Variants in RBSN observed in about 807,000 individuals in gnomAD.
RBSN encodes the protein rabenosyn, RAB effector, also known as rabenosyn-5.
In RBSN, 34 loss-of-function variants were observed where a neutral mutation model predicts 60.5. The observed-to-expected ratio is 0.56, with a 90% CI of 0.43 to 0.75. The LOEUF (loss-of-function observed/expected upper bound fraction) is 0.75, where lower values mean the gene tolerates loss of function less well. RBSN is among the 30% of genes least tolerant of loss of function. RBSN has a pLI of 0.00. For synonymous variants in RBSN, 322 were observed against 366.9 expected, an observed-to-expected ratio of 0.88 and a Z score of 1.40; for missense variants, 845 against 986.8, an observed-to-expected ratio of 0.86 and a Z score of 1.92.
In RBSN at chr3:15,074,148, A is replaced by G. The variant is rs1402634959; in HGVS notation, c.1989T>C (p.Pro663=). ...PSARILKEYN[P]FEEEDEEEEA... is the part of the protein sequence containing the mutation. ...CCTCCTCCTCGTCCTCTTCCTCGAA[A>G]GGATTGTACTCTTTCAGGATGCGGG... The change falls in exon 14 of 14, where the codon CCT becomes CCC. Residue 663 remains proline, a synonymous_variant. Transcript: ENST00000253699. This position sits in a 1 kb window ranked among gnomAD's most constrained non-coding sequence, Gnocchi z 6.4. 3 of 1,613,890 alleles carry G rather than the reference A, an allele frequency of 1.9e-6. No homozygotes were observed. In the South Asian group the frequency reaches 3.3e-5, roughly 18 times the overall value.
chr3:15,086,133 T>A (rs1302170381), intron 5 of RBSN, 172 bp from the exon 6 acceptor site: 3 of 501,242 alleles, frequency 6.0e-6, no homozygotes, highest in Non-Finnish European at 1.1e-5. Flanking sequence ...CATGGGTATG[T>A]ACGCCTATAA....
rs372936870 is a variant in RBSN, at chr3:15,085,851, C to A, written c.390+10G>T. ...TGTAGAAAAAAATGTTTTAAGACAA[C>A]AAAATTTACCTTCTCTAACCTGATT... On this transcript the variant is annotated intron_variant, in intron 6 of 13. Transcript: ENST00000253699. 5.0e-6 allele frequency: 8 copies of A among 1,606,000 alleles called. No individual in the cohort carries two copies. In the Admixed American group the frequency reaches 1.4e-4, roughly 27 times the overall value.
rs1194064820 is a variant in RBSN at position 15,098,115 on chromosome 3, T to C, written c.-345+4A>G. ...CTCACTTCCTCAAAAGAAATGCCTC[T>C]TACTCAGAGCATCAGAATGGACTTC... On this transcript the variant is annotated splice_donor_region_variant and intron_variant, in intron 2 of 13. Coordinates refer to ENST00000253699, the MANE Select transcript of RBSN (RefSeq NM_022340.4). 2 of 152,400 alleles carry C rather than the reference T, an allele frequency of 1.3e-5. No homozygotes were observed. The highest frequency in any genetic ancestry group is 6.6e-5 in the Admixed American group (1 of 15,244). The allele number at this position is 152,400 out of a possible 1,614,324, so 9.4% of individuals were successfully genotyped here.
intron 12 of RBSN, among the ~76,000 whole-genome samples, chr3:15,076,294 A>G (rs1040733581): frequency 9.2e-5 from 14 of 152,026 alleles, no homozygotes; most frequent in Non-Finnish European, 1.8e-4. Context: ...ACCTGACAGG[A>G]CTCTGTCTAT....
At chr3:15,080,564 G>A (rs1407861615) in intron 10 of RBSN, among the ~76,000 whole-genome samples, 168 bp downstream of exon 10, 2 of 152,144 alleles carry the variant, frequency 1.3e-5, no homozygotes, top group African/African-American at 4.8e-5. Flanking sequence ...CAGACATGAA[G>A]ATGATTCTCT....
chr3:15,096,257 G>A lies in RBSN; in HGVS notation c.-137C>T. 1.1e-6 allele frequency: 1 copy of A among 951,982 alleles called. No individual in the cohort carries two copies. Among genetic ancestry groups the A allele is most frequent in the Non-Finnish European group, 1.4e-6 (1 of 691,516 alleles). 59.0% of individuals were successfully genotyped at this position (951,982 alleles called of 1,614,324 possible). A position where few individuals can be genotyped will look rare whatever the true frequency, so the allele number is the denominator to read the frequency against. Reference sequence around the variant, plus strand: ...GTGAGGAAGTGGCTTCATGGCCCTGGATGAGGTTTCCTCTCTGGAGTAGGA... The same window carrying A: ...GTGAGGAAGTGGCTTCATGGCCCTGAATGAGGTTTCCTCTCTGGAGTAGGA... On this transcript the variant is annotated 5_prime_UTR_variant, in exon 4 of 14. Coordinates refer to ENST00000253699, the MANE Select transcript of RBSN (RefSeq NM_022340.4).
intron 4 of RBSN, chr3:15,091,531 A>C: frequency 7.9e-7 from 1 of 1,273,236 alleles, no homozygotes; most frequent in Non-Finnish European, 1.0e-6. Context: ...TTGGGTAAGA[A>C]GAGAAAATGA....
intron 4 of RBSN, among the ~76,000 whole-genome samples, chr3:15,094,835 C>T (rs1230678294): frequency 6.6e-6 from 1 of 152,192 alleles, no homozygotes; most frequent in East Asian, 1.9e-4. Context: ...ATTCACCTGT[C>T]TGAAAGCTGA....
At chr3:15,085,777 C>A in intron 6 of RBSN, 84 bp downstream of exon 6, 1 of 1,143,330 alleles carries the variant, frequency 8.7e-7, no homozygotes, top group South Asian at 1.3e-5. Flanking sequence ...ATGATATATA[C>A]AACACAGGCT....
chr3:15,072,833 C>A lies in RBSN; in HGVS notation c.*949G>T, dbSNP rs2042951575. ...GGTTCACAGCATTCTCCTGCCTCAGCCTCCAAAGTAGCTGGGACTACAGGC... is the reference window on the plus strand; with the variant it reads ...GGTTCACAGCATTCTCCTGCCTCAGACTCCAAAGTAGCTGGGACTACAGGC... On this transcript the variant is annotated 3_prime_UTR_variant, in exon 14 of 14. Transcript: ENST00000253699. 1 of 152,264 alleles carries A rather than the reference C, an allele frequency of 6.6e-6. No individual in the cohort carries two copies. Among genetic ancestry groups the A allele is most frequent in the Non-Finnish European group, 1.5e-5 (1 of 68,130 alleles). 9.4% of individuals were successfully genotyped at this position (152,264 alleles called of 1,614,324 possible).
chr3:15,094,863 A>G lies in RBSN; in HGVS notation c.148+1110T>C, dbSNP rs146233908. ...AAAGCTGAAGTCCACTTAGAAATAC[A>G]TGATCATTCCTTTCTTTCTCTCCCA... is the stretch of plus-strand genomic sequence containing the variant. On this transcript the variant is annotated intron_variant, in intron 4 of 13. Coordinates refer to ENST00000253699, the MANE Select transcript of RBSN (RefSeq NM_022340.4). Among the ~76,000 whole-genome samples the G allele has an allele frequency of 6.5e-4, 99 of 152,374 alleles. 2 individuals are homozygous for G. In the East Asian group the frequency reaches 0.017, roughly 26 times the overall value.
chr3:15,084,616 T>A lies in RBSN; in HGVS notation c.598+119A>T, dbSNP rs2043289779. On this transcript the variant is annotated intron_variant, in intron 8 of 13. Transcript: ENST00000253699. The surrounding 1 kb of genome is among the most constrained non-coding windows in gnomAD (Gnocchi z 4.2). ...TTCACAGAAACAGCAACTCAATGAA[T>A]GAAGATTCCCATGAGCCATTAATTT... The A allele has an allele frequency of 1.1e-5, 14 of 1,314,850 alleles. No homozygotes were observed. Among genetic ancestry groups the A allele is most frequent in the Non-Finnish European group, 1.5e-5 (14 of 959,844 alleles). 81.4% of individuals were successfully genotyped at this position (1,314,850 alleles called of 1,614,324 possible).
At chr3:15,080,149 G>C (rs1369510750) in intron 10 of RBSN, among the ~76,000 whole-genome samples, 1 of 151,928 alleles carries the variant, frequency 6.6e-6, no homozygotes, top group Non-Finnish European at 1.5e-5. Flanking sequence ...GGAGGCTGAG[G>C]CAGGAGAATT....
At position 15,074,797 on chromosome 3, in the gene RBSN, G is replaced by C; in HGVS notation, c.1340C>G (p.Ser447Ter). 6.2e-7 allele frequency: 1 copy of C among 1,614,244 alleles called. No homozygotes were observed. Among genetic ancestry groups the C allele is most frequent in the Non-Finnish European group, 8.5e-7 (1 of 1,180,040 alleles). Reference sequence around the variant, plus strand: ...GTCCTCACTCTGCCCCTGACCTCCTGACAGTGGGAGCCAGCCCTCAGCCTT... The same window carrying C: ...GTCCTCACTCTGCCCCTGACCTCCTCACAGTGGGAGCCAGCCCTCAGCCTT... ...LRKAEGWLPL[S>*]GGQGQSEDSD... Residue 447 changes from serine to a stop codon, truncating the protein, a stop_gained, in exon 14 of 14, where the codon TCA becomes TGA. Coordinates refer to ENST00000253699, the MANE Select transcript of RBSN (RefSeq NM_022340.4). LOFTEE classifies it low-confidence loss of function (END_TRUNC). This position sits in a 1 kb window ranked among gnomAD's most constrained non-coding sequence, Gnocchi z 6.4.
At chr3:15,095,941 A>G (rs753121462) in intron 4 of RBSN, 32 bp downstream of exon 4, 1 of 1,614,216 alleles carries the variant, frequency 6.2e-7, no homozygotes, top group Non-Finnish European at 8.5e-7. Context: ...TCTCAACGAC[A>G]GCAGGGGATA....
Position 15,090,488 on chromosome 3 carries a change from C to T in RBSN, c.200G>A (p.Gly67Glu), listed in dbSNP as rs866930206. 1 of 1,614,210 alleles carries T rather than the reference C, an allele frequency of 6.2e-7. No individual in the cohort carries two copies. Among genetic ancestry groups the T allele is most frequent in the African/African-American group, 1.3e-5 (1 of 75,048 alleles). Residue 67 changes from glycine (G) to glutamate (E), a missense_variant, in exon 5 of 14, where the codon GGG becomes GAG. Transcript: ENST00000253699. ...GGTCCCTGACTCTGCTCGATCATCC[C>T]CTTCTCGTTTCAACAACCTGTCCTT... ...KAKDRLLKREGDDRAESGTQG... is the reference protein window; with the variant it reads ...KAKDRLLKREEDDRAESGTQG...
At chr3:15,075,851 G>A (rs930160873) in intron 12 of RBSN, 141 bp from the exon 13 acceptor site, 1 of 671,698 alleles carries the variant, frequency 1.5e-6, no homozygotes, top group South Asian at 1.8e-5. Context: ...AGAAAGGAGA[G>A]AACTCATATT....
At position 15,091,908 on chromosome 3, in the gene RBSN, G is replaced by A. The variant is rs77560336; in HGVS notation, c.149-1369C>T. Among the ~76,000 whole-genome samples the A allele has an allele frequency of 8.1e-3, 1,237 of 152,272 alleles. 21 individuals carry two copies. Among genetic ancestry groups the A allele is most frequent in the African/African-American group, 0.028 (1,183 of 41,546 alleles). ...CGGGAAGAATTCTCAGTTCTAAGAC[G>A]CTCTCTCATGAATGTTCTTTAATCT... On this transcript the variant is annotated intron_variant, in intron 4 of 13. Coordinates refer to ENST00000253699, the MANE Select transcript of RBSN (RefSeq NM_022340.4).
At chr3:15,075,849 G>C in intron 12 of RBSN, 139 bp from the exon 13 acceptor site, 2 of 678,796 alleles carry the variant, frequency 2.9e-6, no homozygotes, top group East Asian at 2.6e-5. Flanking sequence ...CTAGAAAGGA[G>C]AGAACTCATA....
Sources: gnomAD v4.1 joint callset for allele counts (sites outside exome capture counted in the v4.1 genomes callset) on GRCh38, gnomAD v4.1.1 for gene constraint, Gnocchi (gnomAD v3.1) non-coding constraint, MANE v1.5 for transcripts, NCBI Gene and HGNC (gene_info 2026-07-23, HGNC 2026-07-21) for gene names.